Variants in HGD observed in about 807,000 individuals in gnomAD.
HGD encodes the protein homogentisate 1,2-dioxygenase.
In HGD, 61 loss-of-function variants were observed where a neutral mutation model predicts 60.8. The ratio of observed to expected loss-of-function variants is 1.00; its 90% confidence interval spans 0.82 to 1.24. HGD has a LOEUF of 1.24. Among genes scored for constraint, HGD ranks in the 50% most tolerant of loss-of-function variants. HGD has a pLI of 0.00. For synonymous variants in HGD, 212 were observed against 187.7 expected, an observed-to-expected ratio of 1.13 and a Z score of -1.06; for missense variants, 542 against 547.1, an observed-to-expected ratio of 0.99 and a Z score of 0.09.
Position 120,682,097 on chromosome 3 carries a change from C to A in HGD, c.15G>T (p.Lys5Asn). MAEL[K>N]YISGFGNECS... The stretch of plus-strand genomic sequence containing the variant: ...GCAAACTTGTCAGATGGTTTCTTAC[C>A]TTTAACTCAGCCATTTTCTCTCTCC... The change falls in exon 1 of 14, where the codon AAG becomes AAT. Residue 5 changes from lysine to asparagine, a missense_variant and splice_region_variant. Transcript: ENST00000283871. 1 of 1,614,006 alleles carries A rather than the reference C, an allele frequency of 6.2e-7. No individual in the cohort carries two copies. Among genetic ancestry groups the A allele is most frequent in the Non-Finnish European group, 8.5e-7 (1 of 1,179,882 alleles).
intron 4 of HGD, among the ~76,000 whole-genome samples, chr3:120,663,690 A>G (rs1361306199): frequency 6.6e-6 from 1 of 152,188 alleles, no homozygotes; most frequent in African/African-American, 2.4e-5. Context: ...CCAGGCTGGG[A>G]TGTAGAGGAG....
chr3:120,652,913 T>C (rs1576301451), intron 4 of HGD, among the ~76,000 whole-genome samples: 1 of 152,394 alleles, frequency 6.6e-6, no homozygotes, highest in East Asian at 1.9e-4. Flanking sequence ...CTTAGCACTT[T>C]AGATTATAAA....
At chr3:120,675,067 G>C (rs376168985) in intron 2 of HGD, 78 bp from the exon 3 acceptor site, 8 of 929,810 alleles carry the variant, frequency 8.6e-6, no homozygotes, top group East Asian at 4.9e-5. Flanking sequence ...ACTCAGTAGG[G>C]GGATGGGGAT....
chr3:120,661,812 T>A (rs1707774336), intron 4 of HGD, among the ~76,000 whole-genome samples: 1 of 152,172 alleles, frequency 6.6e-6, no homozygotes, highest in South Asian at 2.1e-4. Flanking sequence ...TTTAGAGAAA[T>A]GCAATCTAAT....
intron 4 of HGD, among the ~76,000 whole-genome samples, chr3:120,652,921 A>G (rs1303082431): frequency 6.6e-6 from 1 of 152,234 alleles, no homozygotes; most frequent in African/African-American, 2.4e-5. Flanking sequence ...TTTAGATTAT[A>G]AAAATAAAAC....
chr3:120,629,618 G>A lies in HGD; in HGVS notation c.1189-1089C>T, dbSNP rs142451367. 2.8e-3 allele frequency among the ~76,000 whole-genome samples: 420 copies of A among 152,174 alleles called. 3 individuals are homozygous for A. The highest frequency in any genetic ancestry group is 8.8e-3 in the African/African-American group (364 of 41,502). On this transcript the variant is annotated intron_variant, in intron 13 of 13. Coordinates refer to ENST00000283871, the MANE Select transcript of HGD (RefSeq NM_000187.4). ...ACTCTCAATAAACTAGGCATTGAAG[G>A]AACACATCACAGAATAATAAGAGCC...
chr3:120,645,464 C>T (rs146858047), intron 9 of HGD, among the ~76,000 whole-genome samples: 1 of 152,222 alleles, frequency 6.6e-6, no homozygotes, highest in Non-Finnish European at 1.5e-5. Context: ...CCAGCCATTT[C>T]TTTCAATCCA....
chr3:120,652,705 C>A (rs1239374517), intron 4 of HGD, 54 bp from the exon 5 acceptor site: 3 of 1,216,410 alleles, frequency 2.5e-6, no homozygotes, highest in Admixed American at 1.7e-5. Flanking sequence ...AAACCATAGA[C>A]CTTCTAAATA....
At chr3:120,649,052 C>G (rs968372556) in intron 6 of HGD, among the ~76,000 whole-genome samples, 1 of 151,730 alleles carries the variant, frequency 6.6e-6, no homozygotes, top group African/African-American at 2.4e-5. Context: ...CTTGATTTTT[C>G]CCTCCTAGGA....
intron 13 of HGD, among the ~76,000 whole-genome samples, chr3:120,630,850 A>G (rs1308170592): frequency 2.6e-4 from 35 of 135,466 alleles, no homozygotes; most frequent in Non-Finnish European, 4.2e-4. Context: ...ACATACACAC[A>G]CACACACACA....
intron 4 of HGD, 74 bp downstream of exon 4, chr3:120,670,353 A>G (rs1044787045): frequency 2.0e-5 from 16 of 804,976 alleles, no homozygotes; most frequent in Non-Finnish European, 3.4e-5. Flanking sequence ...TCCAATGACC[A>G]TGGTATTCTA....
rs753039865 is a variant in HGD, at chr3:120,628,373, T to C, written c.*7A>G. ...CTACTCTTAATTATGGTAGCAATGT[T>C]CCAGTCTCAATTAGGTTCTGCTGGG... On this transcript the variant is annotated 3_prime_UTR_variant, in exon 14 of 14. Transcript: ENST00000283871. 3.1e-6 allele frequency: 5 copies of C among 1,613,676 alleles called. No individual in the cohort carries two copies. The Admixed American group carries it at 6.7e-5, about 22-fold the overall frequency.
At chr3:120,656,882 T>C (rs923633606) in intron 4 of HGD, among the ~76,000 whole-genome samples, 7 of 152,174 alleles carry the variant, frequency 4.6e-5, no homozygotes, top group Non-Finnish European at 8.8e-5. Context: ...AAAATAACAT[T>C]CAGGCGATGT....
chr3:120,655,199 A>G (rs930802661), intron 4 of HGD, among the ~76,000 whole-genome samples: 4 of 152,230 alleles, frequency 2.6e-5, no homozygotes, highest in African/African-American at 9.6e-5. Flanking sequence ...AGGTTGAGCC[A>G]GAGAGACTGA....
intron 4 of HGD, among the ~76,000 whole-genome samples, chr3:120,667,697 G>A (rs993007536): frequency 1.2e-4 from 18 of 152,096 alleles, no homozygotes; most frequent in Non-Finnish European, 2.5e-4. Context: ...TGTTGTGATC[G>A]ACATGAGCAG....
At chr3:120,629,282 A>G (rs1940511338) in intron 13 of HGD, among the ~76,000 whole-genome samples, 2 of 152,130 alleles carry the variant, frequency 1.3e-5, no homozygotes, top group Non-Finnish European at 2.9e-5. Context: ...ACAAAACAAA[A>G]CCCAAAAACC....
At chr3:120,674,550 T>TAAAACAAAACAAAAC (rs75770716) in intron 3 of HGD, 39,616 of 282,802 alleles carry the variant, frequency 0.14, 3,278 homozygotes, top group Admixed American at 0.18. Context: ...TTAGTCATTA[T>TAAAACAAAACAAAAC]AAAACAAAAC....
intron 4 of HGD, among the ~76,000 whole-genome samples, chr3:120,654,711 A>T (rs1345081717): frequency 2.0e-5 from 3 of 152,266 alleles, no homozygotes; most frequent in Non-Finnish European, 4.4e-5. Flanking sequence ...AAATCCCAGT[A>T]GCAGGGGATT....
chr3:120,671,947 T>C (rs1450487897), intron 3 of HGD, among the ~76,000 whole-genome samples: 2 of 137,390 alleles, frequency 1.5e-5, no homozygotes, highest in Non-Finnish European at 3.1e-5. Flanking sequence ...TGAGAACACA[T>C]GGACACAGTG....
Sources: allele counts gnomAD v4.1 joint callset (sites outside exome capture counted in the v4.1 genomes callset), GRCh38; gene constraint gnomAD v4.1.1; transcripts MANE v1.5; gene names NCBI Gene and HGNC (gene_info 2026-07-23, HGNC 2026-07-21).